The following RBFOX1 variants were observed in gnomAD, a reference collection of about 807,000 sequenced individuals.
The protein encoded by RBFOX1 is RNA binding protein fox-1 homolog 1.
Under a neutral mutation model 57.7 loss-of-function variants are expected in RBFOX1, and 8 were observed. The ratio of observed to expected loss-of-function variants is 0.14; its 90% CI spans 0.08 to 0.25. RBFOX1 has a LOEUF of 0.25. Ranked by LOEUF, RBFOX1 falls within the 10% of genes least tolerant of loss-of-function variation. The pLI, the probability that RBFOX1 is intolerant of heterozygous loss-of-function variation, is 1.00. For synonymous variants in RBFOX1, 326 were observed against 222.4 expected, an observed-to-expected ratio of 1.47 and a Z score of -4.15; for missense variants, 611 against 548.5, an observed-to-expected ratio of 1.11 and a Z score of -1.14.
intron 3 of RBFOX1, among the ~76,000 whole-genome samples, chr16:5,818,013 G>GT (rs2055707260): frequency 6.6e-6 from 1 of 152,114 alleles, no homozygotes; most frequent in Admixed American, 6.6e-5. Context: ...TGTATTAAGC[G>GT]TATTTGTCTT....
At chr16:7,088,544 G>GT (rs71147650) in intron 4 of RBFOX1, among the ~76,000 whole-genome samples, 112,236 of 150,770 alleles carry the variant, frequency 0.74, 43,170 homozygotes, top group South Asian at 0.88. Flanking sequence ...GTTTTTTGTT[G>GT]TTTTTTTTTC....
At chr16:6,891,580 A>G (rs1468274123) in intron 3 of RBFOX1, among the ~76,000 whole-genome samples, 1 of 152,218 alleles carries the variant, frequency 6.6e-6, no homozygotes, top group Non-Finnish European at 1.5e-5. Context: ...TGCTCCAGGC[A>G]TAGCATTCCT....
intron 5 of RBFOX1, among the ~76,000 whole-genome samples, chr16:7,546,378 T>TAA (rs1302479550): frequency 3.2e-5 from 3 of 92,336 alleles, no homozygotes; most frequent in African/African-American, 1.1e-4. Context: ...TAAAATAAAA[T>TAA]AATAAAATAA....
At chr16:6,738,317 G>A (rs895848823) in intron 3 of RBFOX1, among the ~76,000 whole-genome samples, 2 of 152,066 alleles carry the variant, frequency 1.3e-5, no homozygotes, top group South Asian at 4.2e-4. Flanking sequence ...GGGGAACTGA[G>A]ATGAAGCCTG....
chr16:6,633,365 C>A (rs1207491262), intron 2 of RBFOX1, among the ~76,000 whole-genome samples: 1 of 152,174 alleles, frequency 6.6e-6, no homozygotes, highest in African/African-American at 2.4e-5. Context: ...GCAACCTCCT[C>A]CTCCCAGGTT....
At chr16:6,106,413 C>T (rs559285656) in intron 1 of RBFOX1, among the ~76,000 whole-genome samples, 1 of 139,724 alleles carries the variant, frequency 7.2e-6, no homozygotes, top group East Asian at 2.1e-4. Context: ...TTGTAGTAAG[C>T]CAAGATCGTG....
At chr16:6,629,525 T>G (rs1177783724) in intron 2 of RBFOX1, among the ~76,000 whole-genome samples, 1 of 152,218 alleles carries the variant, frequency 6.6e-6, no homozygotes, top group Non-Finnish European at 1.5e-5. Flanking sequence ...ACTTTCATCT[T>G]TTGACCCTGA....
chr16:6,508,765 C>T (rs915046584), intron 2 of RBFOX1, among the ~76,000 whole-genome samples: 1 of 151,908 alleles, frequency 6.6e-6, no homozygotes, highest in African/African-American at 2.4e-5. Context: ...ATATTTAAGG[C>T]TCTGTATTAA....
chr16:7,062,178 G>A (rs1598440729), intron 4 of RBFOX1, among the ~76,000 whole-genome samples: 2 of 151,736 alleles, frequency 1.3e-5, no homozygotes, highest in South Asian at 4.2e-4. Flanking sequence ...AATTAGCTGG[G>A]CATGGTGGCG....
intron 1 of RBFOX1, among the ~76,000 whole-genome samples, chr16:5,386,868 C>T (rs890100351): frequency 8.5e-5 from 13 of 152,048 alleles, no homozygotes; most frequent in South Asian, 4.2e-4. Flanking sequence ...CTGCCCAACA[C>T]GGCGAAACCC....
intron 3 of RBFOX1, among the ~76,000 whole-genome samples, chr16:6,815,753 A>G (rs559083091): frequency 2.6e-4 from 40 of 152,326 alleles, no homozygotes; most frequent in African/African-American, 7.0e-4. Flanking sequence ...CAAAAAGTCT[A>G]TAGTTTGCAG....
At chr16:5,940,175 G>C (rs1313546176) in intron 4 of RBFOX1, among the ~76,000 whole-genome samples, 1 of 152,186 alleles carries the variant, frequency 6.6e-6, no homozygotes, top group Non-Finnish European at 1.5e-5. Context: ...AGAAGTATTG[G>C]AATGATGGAG....
chr16:6,884,647 C>T (rs1028661231), intron 3 of RBFOX1, among the ~76,000 whole-genome samples: 2 of 151,948 alleles, frequency 1.3e-5, no homozygotes, highest in Non-Finnish European at 2.9e-5. Context: ...ACCTGTAATC[C>T]CAGCACTAGG....
chr16:5,596,270 G>A (rs1244005231), intron 2 of RBFOX1, among the ~76,000 whole-genome samples: 1 of 152,132 alleles, frequency 6.6e-6, no homozygotes, highest in Non-Finnish European at 1.5e-5. Context: ...TGGGATACTG[G>A]TTGCCTAGAT....
intron 1 of RBFOX1, among the ~76,000 whole-genome samples, chr16:6,179,793 T>C (rs1291286002): frequency 1.3e-5 from 2 of 152,208 alleles, no homozygotes; most frequent in African/African-American, 4.8e-5. Flanking sequence ...TTTCATAGTT[T>C]CTGTGGGTTG....
intron 4 of RBFOX1, among the ~76,000 whole-genome samples, chr16:7,111,839 A>C (rs907896090): frequency 2.0e-5 from 3 of 151,930 alleles, no homozygotes; most frequent in Non-Finnish European, 4.4e-5. Flanking sequence ...TTATAATTCC[A>C]GGGCTAACAT....
chr16:7,299,110 C>G (rs1365051883), intron 4 of RBFOX1, among the ~76,000 whole-genome samples: 6 of 152,120 alleles, frequency 3.9e-5, no homozygotes, highest in Non-Finnish European at 5.9e-5. Flanking sequence ...ATAGTGAGCA[C>G]CAAAATATTA....
chr16:7,150,429 T>C (rs1224401064), intron 4 of RBFOX1, among the ~76,000 whole-genome samples: 1 of 152,208 alleles, frequency 6.6e-6, no homozygotes, highest in Admixed American at 6.5e-5. Context: ...TGAAAACTGC[T>C]GAATCACACT....
At chr16:5,450,499 G>A (rs746691353) in intron 1 of RBFOX1, among the ~76,000 whole-genome samples, 6 of 152,188 alleles carry the variant, frequency 3.9e-5, no homozygotes, top group South Asian at 4.1e-4. Context: ...GCTGCGTGTG[G>A]GGCGGGCCTC....
Sources: allele counts gnomAD v4.1 joint callset (sites outside exome capture counted in the v4.1 genomes callset), GRCh38; gene constraint gnomAD v4.1.1; transcripts MANE v1.5; gene names NCBI Gene and HGNC (gene_info 2026-07-23, HGNC 2026-07-21).